The following C12orf60 variants were observed in gnomAD, a reference collection of about 807,000 sequenced individuals.
The protein encoded by C12orf60 is chromosome 12 open reading frame 60.
For missense variants in C12orf60, 284 were observed against 283.2 expected (o/e 1.00, Z -0.02); for synonymous variants, 102 against 94.6 (o/e 1.08, Z -0.45).
In C12orf60 at chr12:14,806,263, C is replaced by T. The variant is rs1950047500; in HGVS notation, c.-25+2512C>T. On this transcript the variant is annotated intron_variant, in intron 1 of 1. Coordinates refer to ENST00000330828, the MANE Select transcript of C12orf60 (RefSeq NM_175874.4). ...AACTTGTTAATTATGCCAGTTGTGA[C>T]ATTTGAGCCCACAAGTTTAACAGCG... is the stretch of plus-strand genomic sequence containing the variant. 1.2e-6 allele frequency: 2 copies of T among 1,614,236 alleles called. No individual in the cohort carries two copies. The highest frequency in any genetic ancestry group is 1.3e-5 in the African/African-American group (1 of 75,056).
At chr12:14,805,896 T>C (rs775970639) in intron 1 of C12orf60, 2 of 1,141,186 alleles carry the variant, frequency 1.8e-6, no homozygotes, top group Non-Finnish European at 2.5e-6. Context: ...GTTTATCTTA[T>C]TTAAGTCCAT....
intron 1 of C12orf60, chr12:14,814,235 A>G (rs1950184690): frequency 6.6e-6 from 1 of 152,216 alleles, no homozygotes; most frequent in South Asian, 2.1e-4. Flanking sequence ...GATGACTTAC[A>G]GACTTTGCTA....
chr12:14,806,547 A>G (rs1381309851), intron 1 of C12orf60: 3 of 1,614,142 alleles, frequency 1.9e-6, no homozygotes, highest in Middle Eastern at 1.6e-4. Flanking sequence ...CCCCAAGTGC[A>G]TATTTAGAAC....
intron 1 of C12orf60, among the ~76,000 whole-genome samples, chr12:14,804,054 G>A (rs1950009846): frequency 6.6e-6 from 1 of 152,176 alleles, no homozygotes; most frequent in South Asian, 2.1e-4. Context: ...CCGTATTAGA[G>A]TCGCAGATTG....
At chr12:14,816,750 T>TG (rs1950225722) in intron 1 of C12orf60, among the ~76,000 whole-genome samples, 2 of 150,576 alleles carry the variant, frequency 1.3e-5, no homozygotes, top group South Asian at 4.2e-4. Flanking sequence ...TTTTCTCTTT[T>TG]TTTTTTTTTT....
intron 1 of C12orf60, among the ~76,000 whole-genome samples, chr12:14,817,974 A>T (rs1284774497): frequency 6.6e-6 from 1 of 152,128 alleles, no homozygotes; most frequent in Non-Finnish European, 1.5e-5. Flanking sequence ...CTATTTCTCC[A>T]CACCCTTGCA....
At chr12:14,804,314 T>G (rs1290427323) in intron 1 of C12orf60, among the ~76,000 whole-genome samples, 1 of 152,188 alleles carries the variant, frequency 6.6e-6, no homozygotes, top group Non-Finnish European at 1.5e-5. Flanking sequence ...CCCCACTTAT[T>G]TCCCTTAAAG....
intron 1 of C12orf60, among the ~76,000 whole-genome samples, chr12:14,809,894 T>C (rs2137261600): frequency 6.6e-6 from 1 of 152,294 alleles, no homozygotes; most frequent in Non-Finnish European, 1.5e-5. Context: ...TCTAATAAAA[T>C]GGTGGGAAAA....
intron 1 of C12orf60, among the ~76,000 whole-genome samples, chr12:14,807,969 C>T (rs775176284): frequency 6.0e-4 from 91 of 152,066 alleles, no homozygotes; most frequent in Non-Finnish European, 1.1e-3. Context: ...AGTTCAAGAC[C>T]AGCCTGGCCA....
At position 14,823,582 on chromosome 12, in the gene C12orf60, AG is replaced by A; in HGVS notation, c.649del (p.Ala217LeufsTer6). The A allele has an allele frequency of 6.2e-7, 1 of 1,613,620 alleles. No homozygotes were observed. Among genetic ancestry groups the A allele is most frequent in the East Asian group, 2.2e-5 (1 of 44,872 alleles). On this transcript the variant is annotated frameshift_variant, in exon 2 of 2. Coordinates refer to ENST00000330828, the MANE Select transcript of C12orf60 (RefSeq NM_175874.4). LOFTEE classifies it low-confidence loss of function (END_TRUNC). ...SAADLLEQIVKAMGPILEILQ... is the reference protein window; with the variant it reads ...SAADLLEQIVXAMGPILEILQ... Reference sequence around the variant, plus strand: ...GCAGATTTGTTGGAACAAATTGTCAAGGCTATGGGACCAATCTTAGAGATCC... The same window carrying A: ...GCAGATTTGTTGGAACAAATTGTCAAGCTATGGGACCAATCTTAGAGATCC...
chr12:14,823,802 G>T lies in C12orf60; in HGVS notation c.*129G>T. 1.4e-6 allele frequency: 1 copy of T among 738,698 alleles called. No individual in the cohort carries two copies. Among genetic ancestry groups the T allele is most frequent in the South Asian group, 4.7e-5 (1 of 21,206 alleles). 45.8% of individuals were successfully genotyped at this position (738,698 alleles called of 1,614,324 possible). A position where few individuals can be genotyped will look rare whatever the true frequency, so the allele number is the denominator to read the frequency against. ...GAACATAAGTACACAAAAGTCATCT[G>T]GCAAAACATTTACCTGTAGTTTTGC... On this transcript the variant is annotated 3_prime_UTR_variant, in exon 2 of 2. Coordinates refer to ENST00000330828, the MANE Select transcript of C12orf60 (RefSeq NM_175874.4).
At chr12:14,810,470 C>A (rs1950119626) in intron 1 of C12orf60, among the ~76,000 whole-genome samples, 2 of 152,206 alleles carry the variant, frequency 1.3e-5, no homozygotes, top group Admixed American at 1.3e-4. Flanking sequence ...CAGCACCACT[C>A]TGCAAAGCAT....
At position 14,823,534 on chromosome 12, in the gene C12orf60, C is replaced by T. The variant is rs201379842; in HGVS notation, c.599C>T (p.Ser200Phe). The T allele has an allele frequency of 3.3e-5, 53 of 1,613,770 alleles. No homozygotes were observed. In the Middle Eastern group the frequency reaches 5.0e-4, roughly 15 times the overall value. ...KLQDVLKTEDSKNPTKSAADL... is the reference protein window; with the variant it reads ...KLQDVLKTEDFKNPTKSAADL... ...CAGGATGTACTAAAAACTGAGGATTCCAAAAATCCCACAAAGTCAGCAGCA... is the reference window on the plus strand; with the variant it reads ...CAGGATGTACTAAAAACTGAGGATTTCAAAAATCCCACAAAGTCAGCAGCA... The change falls in exon 2 of 2, where the codon TCC becomes TTC. Residue 200 changes from serine (S) to phenylalanine (F), a missense_variant. Coordinates refer to ENST00000330828, the MANE Select transcript of C12orf60 (RefSeq NM_175874.4).
intron 1 of C12orf60, among the ~76,000 whole-genome samples, chr12:14,819,258 A>G (rs1230176143): frequency 1.3e-5 from 2 of 152,168 alleles, no homozygotes; most frequent in African/African-American, 2.4e-5. Context: ...TTATGCACAT[A>G]TATTCTTAGA....
Position 14,823,816 on chromosome 12 carries a change from C to G in C12orf60, c.*143C>G. ...AAAAGTCATCTGGCAAAACATTTAC[C>G]TGTAGTTTTGCTTTATTAAAATAAA... On this transcript the variant is annotated 3_prime_UTR_variant, in exon 2 of 2. Coordinates refer to ENST00000330828, the MANE Select transcript of C12orf60 (RefSeq NM_175874.4). 1 of 621,628 alleles carries G rather than the reference C, an allele frequency of 1.6e-6. No homozygotes were observed. The highest frequency in any genetic ancestry group is 3.2e-5 in the East Asian group (1 of 30,770). 38.5% of individuals were successfully genotyped at this position (621,628 alleles called of 1,614,324 possible).
intron 1 of C12orf60, among the ~76,000 whole-genome samples, chr12:14,809,716 A>T (rs1463863054): frequency 3.3e-5 from 5 of 149,910 alleles, no homozygotes; most frequent in Non-Finnish European, 7.4e-5. Flanking sequence ...TAAAACCAAT[A>T]AAAAAAAAGC....
Position 14,823,622 on chromosome 12 carries a change from A to G in C12orf60, c.687A>G (p.Ile229Met), listed in dbSNP as rs1950341547. 6.2e-7 allele frequency: 1 copy of G among 1,603,410 alleles called. No individual in the cohort carries two copies. Among genetic ancestry groups the G allele is most frequent in the African/African-American group, 1.3e-5 (1 of 74,166 alleles). Residue 229 changes from isoleucine to methionine, a missense_variant, in exon 2 of 2, where the codon ATA (isoleucine) becomes ATG (methionine). By Grantham distance (10) the Ile-to-Met change is conservative. Transcript: ENST00000330828. ...GPILEILQKA[I>M]KTMEMNISVF... Reference sequence around the variant, plus strand: ...TCTTAGAGATCCTCCAAAAAGCGATAAAGACTATGGAAATGAATATTTCTG... The same window carrying G: ...TCTTAGAGATCCTCCAAAAAGCGATGAAGACTATGGAAATGAATATTTCTG...
intron 1 of C12orf60, among the ~76,000 whole-genome samples, chr12:14,816,966 C>T (rs183223542): frequency 9.6e-4 from 146 of 152,214 alleles, no homozygotes; most frequent in African/African-American, 3.4e-3. Flanking sequence ...TGGTCTCCAA[C>T]TCCTGGCCTT....
At chr12:14,818,711 G>T (rs1012224434) in intron 1 of C12orf60, among the ~76,000 whole-genome samples, 1 of 152,132 alleles carries the variant, frequency 6.6e-6, no homozygotes, top group African/African-American at 2.4e-5. Context: ...ATCTGGTTGG[G>T]GGCGGAGGTT....
Sources: allele counts gnomAD v4.1 joint callset (sites outside exome capture counted in the v4.1 genomes callset), GRCh38; gene constraint gnomAD v4.1.1; transcripts MANE v1.5; gene names NCBI Gene and HGNC (gene_info 2026-07-23, HGNC 2026-07-21).